Variants in AGMO observed in about 807,000 individuals in gnomAD.
The protein encoded by AGMO is glyceryl-ether monooxygenase.
In AGMO, 75 loss-of-function variants were observed where a neutral mutation model predicts 60.2. The observed-to-expected ratio is 1.25, with a 90% CI of 1.03 to 1.51. The LOEUF (loss-of-function observed/expected upper bound fraction) is 1.51. Among genes scored for constraint, AGMO ranks in the 40% most tolerant of loss-of-function variants. The pLI is 0.00. For missense variants in AGMO, 763 were observed against 525.5 expected, an observed-to-expected ratio of 1.45 and a Z score of -4.42; for synonymous variants, 261 against 177.1, an observed-to-expected ratio of 1.47 and a Z score of -3.76.
chr7:15,228,021 C>T (rs1053982551), intron 12 of AGMO, among the ~76,000 whole-genome samples: 4 of 152,126 alleles, frequency 2.6e-5, no homozygotes, highest in Admixed American at 6.6e-5. Flanking sequence ...TGAACTTCTA[C>T]TGGGACAGGG....
chr7:15,175,352 A>G, the AGMO span, among the ~76,000 whole-genome samples: 1 of 151,958 alleles, frequency 6.6e-6, no homozygotes, highest in Non-Finnish European at 1.5e-5. Flanking sequence ...CAGAATCGCC[A>G]TAGTTAGTGT....
chr7:15,183,296 G>A, the AGMO span, among the ~76,000 whole-genome samples: 3 of 152,040 alleles, frequency 2.0e-5, no homozygotes, highest in Non-Finnish European at 4.4e-5. Context: ...TCAAGTAAAT[G>A]GATCTTAACT....
At chr7:15,197,717 T>C (rs1022815990), downstream of AGMO, among the ~76,000 whole-genome samples, 1 of 152,252 alleles carries the variant, frequency 6.6e-6, no homozygotes. Context: ...TCATTCACCC[T>C]GTCAATTAAT....
intron 10 of AGMO, among the ~76,000 whole-genome samples, chr7:15,375,262 A>AT (rs779412658): frequency 2.6e-5 from 4 of 151,926 alleles, no homozygotes; most frequent in Non-Finnish European, 2.9e-5. Context: ...GGAAACTTTT[A>AT]TTTTCTTACT....
intron 12 of AGMO, among the ~76,000 whole-genome samples, chr7:15,288,582 G>C (rs1033236819): frequency 2.0e-5 from 3 of 151,860 alleles, no homozygotes; most frequent in Non-Finnish European, 4.4e-5. Flanking sequence ...ACTCACTAAA[G>C]AATTCAGACA....
At chr7:15,524,615 C>T (rs1024895008) in intron 3 of AGMO, among the ~76,000 whole-genome samples, 2 of 152,042 alleles carry the variant, frequency 1.3e-5, no homozygotes, top group Non-Finnish European at 2.9e-5. Context: ...GTAATCCTAG[C>T]ACTTTGGGAG....
intron 10 of AGMO, among the ~76,000 whole-genome samples, chr7:15,366,642 T>C (rs1250884295): frequency 6.6e-6 from 1 of 152,056 alleles, no homozygotes; most frequent in Non-Finnish European, 1.5e-5. Context: ...ATAGAAAATA[T>C]TTAAAGGAGA....
chr7:15,215,865 G>A (rs1318889013), intron 12 of AGMO, among the ~76,000 whole-genome samples: 1 of 151,962 alleles, frequency 6.6e-6, no homozygotes, highest in African/African-American at 2.4e-5. Context: ...CTAGAGACAG[G>A]ATTTTTTAAG....
chr7:15,332,629 G>T (rs1045929907), intron 12 of AGMO, among the ~76,000 whole-genome samples: 1 of 152,034 alleles, frequency 6.6e-6, no homozygotes, highest in Non-Finnish European at 1.5e-5. Context: ...TATCATGTAA[G>T]ATTTTCACTG....
chr7:15,531,183 CTATATATATTCTA>C (rs1349530988), intron 3 of AGMO, among the ~76,000 whole-genome samples: 2 of 68,494 alleles, frequency 2.9e-5, no homozygotes, highest in African/African-American at 6.1e-5. Flanking sequence ...TCTATATATT[CTATATATATTCTA>C]TATATATATT....
chr7:15,283,932 T>C (rs74897356), intron 12 of AGMO, among the ~76,000 whole-genome samples: 2,781 of 152,068 alleles, frequency 0.018, 97 homozygotes, highest in African/African-American at 0.064. Context: ...AAAGGAACCC[T>C]CAAACTAGAC....
At chr7:15,365,998 A>C (rs565154903) in intron 11 of AGMO, 142 bp downstream of exon 11, 15 of 598,002 alleles carry the variant, frequency 2.5e-5, no homozygotes, top group Non-Finnish European at 4.0e-5. Flanking sequence ...AACTTCTCTA[A>C]AATAATGAGA....
chr7:15,358,702 G>T (rs1782638265), intron 12 of AGMO, among the ~76,000 whole-genome samples: 1 of 152,132 alleles, frequency 6.6e-6, no homozygotes, highest in Admixed American at 6.5e-5. Flanking sequence ...TGTATTCTCT[G>T]ACATTAACAG....
In AGMO at chr7:15,361,546, A is replaced by AAAAAAAAAAAAAAAAAAAAAAAG. The variant is rs60239009; in HGVS notation, c.1263+3967_1263+3968insCTTTTTTTTTTTTTTTTTTTTTT. 3.5e-3 allele frequency among the ~76,000 whole-genome samples: 317 copies of AAAAAAAAAAAAAAAAAAAAAAAG among 91,272 alleles called. 28 individuals are homozygous for AAAAAAAAAAAAAAAAAAAAAAAG. Among genetic ancestry groups the AAAAAAAAAAAAAAAAAAAAAAAG allele is most frequent in the African/African-American group, 5.6e-3 (131 of 23,252 alleles). The allele number at this position is 91,272 out of a possible 152,430, so 59.9% of individuals were successfully genotyped here. A position where few individuals can be genotyped will look rare whatever the true frequency, so the allele number is the denominator to read the frequency against. On this transcript the variant is annotated intron_variant, in intron 12 of 12. Coordinates refer to ENST00000342526, the MANE Select transcript of AGMO (RefSeq NM_001004320.2). ...CAGAGCGAGACTGTGTCTCAAAAAA[A>AAAAAAAAAAAAAAAAAAAAAAAG]AAAAAAAAGGTTTTGAGATTTAGAT...
At chr7:15,135,948 T>C in the AGMO span, among the ~76,000 whole-genome samples, 2 of 150,030 alleles carry the variant, frequency 1.3e-5, no homozygotes, top group African/African-American at 2.4e-5. Flanking sequence ...ACTATGTTTT[T>C]CTCAACATTT....
chr7:15,546,170 C>T (rs908606965), intron 2 of AGMO, among the ~76,000 whole-genome samples: 2 of 151,852 alleles, frequency 1.3e-5, no homozygotes, highest in Non-Finnish European at 2.9e-5. Context: ...TTAAAATAAC[C>T]TCTCATACTT....
intron 12 of AGMO, among the ~76,000 whole-genome samples, chr7:15,217,170 A>C (rs1202824307): frequency 6.6e-6 from 1 of 152,036 alleles, no homozygotes; most frequent in Non-Finnish European, 1.5e-5. Flanking sequence ...GGTAGATGGA[A>C]ATGATAATTT....
At chr7:15,162,882 T>G in the AGMO span, among the ~76,000 whole-genome samples, 7,692 of 152,164 alleles carry the variant, frequency 0.051, 649 homozygotes, top group African/African-American at 0.17. Context: ...AGATAGAATT[T>G]TATTGCATCT....
intron 12 of AGMO, among the ~76,000 whole-genome samples, chr7:15,279,861 G>A (rs1783911561): frequency 6.6e-6 from 1 of 152,156 alleles, no homozygotes; most frequent in Non-Finnish European, 1.5e-5. Flanking sequence ...GAGCACTGGG[G>A]AATATCAAGG....
Sources: allele counts gnomAD v4.1 joint callset (sites outside exome capture counted in the v4.1 genomes callset), GRCh38; gene constraint gnomAD v4.1.1; transcripts MANE v1.5; gene names NCBI Gene and HGNC (gene_info 2026-07-23, HGNC 2026-07-21).